Variants in KTN1 observed in about 807,000 individuals in gnomAD.
The protein encoded by KTN1 is kinectin 1.
Under a neutral mutation model 222.5 loss-of-function variants are expected in KTN1, and 130 were observed. That is an observed-to-expected ratio of 0.58 (90% CI 0.51 to 0.68). KTN1 has a LOEUF of 0.68. KTN1 is among the 30% of genes least tolerant of loss of function. The pLI, the probability that KTN1 is intolerant of heterozygous loss-of-function variation, is 0.00. For missense variants in KTN1, 1,508 were observed against 1,500.4 expected (o/e 1.01, Z -0.08); for synonymous variants, 512 against 496.3 (o/e 1.03, Z -0.42).
intron 40 of KTN1, 42 bp from the exon 41 acceptor site, chr14:55,675,793 G>A (rs1566855338): frequency 1.5e-6 from 2 of 1,294,336 alleles, no homozygotes; most frequent in Non-Finnish European, 1.1e-6. Context: ...ATCAAAGAAT[G>A]ATGCAAATTA....
At chr14:55,637,453 TATC>T in intron 11 of KTN1, 89 bp downstream of exon 11, 1 of 900,600 alleles carries the variant, frequency 1.1e-6, no homozygotes. Context: ...AAGTCTACCT[TATC>T]CTAATTCTGA....
At chr14:55,680,134 C>T (rs963139318) in intron 43 of KTN1, 1 of 158,668 alleles carries the variant, frequency 6.3e-6, no homozygotes, top group African/African-American at 2.4e-5. Flanking sequence ...ATCACAGTGT[C>T]TTAAAATTGA....
chr14:55,645,371 C>T (rs2042184903), intron 18 of KTN1, among the ~76,000 whole-genome samples: 1 of 152,158 alleles, frequency 6.6e-6, no homozygotes, highest in African/African-American at 2.4e-5. Context: ...GTGTCAGGAC[C>T]ATGAACCTGA....
At chr14:55,622,104 C>T (rs1406261149) in intron 5 of KTN1, among the ~76,000 whole-genome samples, 3 of 152,086 alleles carry the variant, frequency 2.0e-5, no homozygotes, top group Non-Finnish European at 4.4e-5. Context: ...GCCTCGGCCT[C>T]CCAAAGTGCT....
chr14:55,651,811 C>T, intron 24 of KTN1, 79 bp from the exon 25 acceptor site: 1 of 892,648 alleles, frequency 1.1e-6, no homozygotes, highest in Non-Finnish European at 1.8e-6. Context: ...TTGAAGTGTA[C>T]ACATTATAAA....
chr14:55,631,218 A>T (rs980398674), intron 7 of KTN1, among the ~76,000 whole-genome samples: 2 of 151,162 alleles, frequency 1.3e-5, no homozygotes, highest in African/African-American at 4.9e-5. Context: ...TCCTTAATTT[A>T]ACTTTCTTGA....
intron 24 of KTN1, chr14:55,651,183 T>C (rs759437449): frequency 6.1e-5 from 27 of 441,980 alleles, no homozygotes; most frequent in Non-Finnish European, 1.1e-4. Flanking sequence ...AAGCAGTACT[T>C]GTCAAAGCAC....
At position 55,630,032 on chromosome 14, in the gene KTN1, G is replaced by A; in HGVS notation, c.1156G>A (p.Glu386Lys). The A allele has an allele frequency of 6.2e-7, 1 of 1,600,172 alleles. No individual in the cohort carries two copies. Among genetic ancestry groups the A allele is most frequent in the Non-Finnish European group, 8.6e-7 (1 of 1,167,328 alleles). ...MKDRIGTLEK[E>K]HNVFQNKIHV... is the part of the protein sequence containing the mutation. ...AGATCGAATTGGAACATTAGAAAAGGAACATAATGTATTTCAAAACAAAAT... is the reference window on the plus strand; with the variant it reads ...AGATCGAATTGGAACATTAGAAAAGAAACATAATGTATTTCAAAACAAAAT... The change falls in exon 7 of 44, where the codon GAA becomes AAA. Residue 386 changes from glutamate (E) to lysine (K), a missense_variant. Coordinates refer to ENST00000395314, the MANE Select transcript of KTN1 (RefSeq NM_001079521.2).
intron 18 of KTN1, chr14:55,644,497 C>T: frequency 1.5e-6 from 1 of 676,110 alleles, no homozygotes; most frequent in South Asian, 1.6e-5. Context: ...TGGATTTAGG[C>T]TTGCAGATGG....
At chr14:55,601,475 T>C (rs572771282) in intron 1 of KTN1, among the ~76,000 whole-genome samples, 25 of 152,324 alleles carry the variant, frequency 1.6e-4, no homozygotes, top group Non-Finnish European at 2.9e-4. Flanking sequence ...AATTGCGTTG[T>C]GCACTCCGGG....
At position 55,661,566 on chromosome 14, in the gene KTN1, T is replaced by A; in HGVS notation, c.3044T>A (p.Leu1015Ter). 6.2e-7 allele frequency: 1 copy of A among 1,604,646 alleles called. No homozygotes were observed. Among genetic ancestry groups the A allele is most frequent in the Non-Finnish European group, 8.5e-7 (1 of 1,171,900 alleles). ...EKEISGLWNE[L>*]DSLKDAVEHQ... ...GAAATAAGTGGTCTCTGGAATGAGTTAGATTCTTTGAAGGATGCAGTTGAA... is the reference window on the plus strand; with the variant it reads ...GAAATAAGTGGTCTCTGGAATGAGTAAGATTCTTTGAAGGATGCAGTTGAA... Residue 1015 changes from leucine (L) to a stop codon, truncating the protein, a stop_gained, in exon 32 of 44, where the codon TTA becomes TAA. Transcript: ENST00000395314. LOFTEE classifies it high-confidence loss of function.
chr14:55,588,321 CAGTG>C (rs1474140504), intron 1 of KTN1, among the ~76,000 whole-genome samples: 3 of 152,118 alleles, frequency 2.0e-5, no homozygotes, highest in Admixed American at 6.5e-5. Flanking sequence ...CTGTCTGAAA[CAGTG>C]AGCAACTGTA....
intron 5 of KTN1, among the ~76,000 whole-genome samples, chr14:55,624,600 C>T (rs1490611825): frequency 1.3e-5 from 2 of 152,098 alleles, no homozygotes. Flanking sequence ...AGATAATCCA[C>T]TATCAACAGT....
chr14:55,628,013 TA>T lies in KTN1; in HGVS notation c.1067del (p.Lys356SerfsTer3). The T allele has an allele frequency of 6.2e-7, 1 of 1,609,294 alleles. No individual in the cohort carries two copies. Among genetic ancestry groups the T allele is most frequent in the Non-Finnish European group, 8.5e-7 (1 of 1,175,748 alleles). On this transcript the variant is annotated frameshift_variant, in exon 6 of 44. Coordinates refer to ENST00000395314, the MANE Select transcript of KTN1 (RefSeq NM_001079521.2). LOFTEE classifies it high-confidence loss of function. Reference sequence around the variant, plus strand: ...ATGCTGCTGCTACAAAGGATCGGTGTAAGCAGTTAACCCAGGTGAAGACATT... The same window carrying T: ...ATGCTGCTGCTACAAAGGATCGGTGTAGCAGTTAACCCAGGTGAAGACATT... ...EDAAATKDRC[K>X]QLTQEMMTEK...
chr14:55,638,418 C>T (rs2041390320), intron 12 of KTN1, among the ~76,000 whole-genome samples: 1 of 151,848 alleles, frequency 6.6e-6, no homozygotes, highest in Non-Finnish European at 1.5e-5. Flanking sequence ...TTTTGAGCTT[C>T]AGTTTTTCAA....
intron 7 of KTN1, among the ~76,000 whole-genome samples, chr14:55,632,566 A>G (rs2040653299): frequency 6.8e-6 from 1 of 147,996 alleles, no homozygotes; most frequent in Non-Finnish European, 1.5e-5. Flanking sequence ...TAAAAGGTGT[A>G]GAAGGTGTTT....
chr14:55,665,611 A>G (rs576240933), intron 33 of KTN1, among the ~76,000 whole-genome samples: 28 of 152,152 alleles, frequency 1.8e-4, no homozygotes, highest in African/African-American at 6.7e-4. Flanking sequence ...AGTTACGGTC[A>G]GCTTACCTAA....
intron 1 of KTN1, among the ~76,000 whole-genome samples, chr14:55,598,851 C>T (rs1315555445): frequency 2.0e-5 from 3 of 152,180 alleles, no homozygotes; most frequent in African/African-American, 7.2e-5. Flanking sequence ...AATTTTGTTG[C>T]CTTTCCTGAA....
chr14:55,663,770 T>C (rs2044400931), intron 32 of KTN1, 185 bp from the exon 33 acceptor site: 2 of 523,254 alleles, frequency 3.8e-6, no homozygotes, highest in Non-Finnish European at 6.8e-6. Context: ...AAAGTGGGCG[T>C]CTTTATTTTC....
Sources: allele counts gnomAD v4.1 joint callset (sites outside exome capture counted in the v4.1 genomes callset), GRCh38; gene constraint gnomAD v4.1.1; transcripts MANE v1.5; gene names NCBI Gene and HGNC (gene_info 2026-07-23, HGNC 2026-07-21).